The following ARHGEF4 variants were observed in gnomAD, a reference collection of about 807,000 sequenced individuals.
ARHGEF4 encodes the protein Rho guanine nucleotide exchange factor 4.
A neutral mutation model predicts 162.0 loss-of-function variants in ARHGEF4; 119 were observed. That is an observed-to-expected ratio of 0.73 (90% CI 0.63 to 0.86). ARHGEF4 has a LOEUF of 0.86. Ranked by LOEUF, ARHGEF4 falls within the 40% of genes least tolerant of loss-of-function variation. The pLI, the probability that ARHGEF4 is intolerant of heterozygous loss-of-function variation, is 0.00. For missense variants in ARHGEF4, 2,488 were observed against 2,456.0 expected (o/e 1.01, Z -0.28); for synonymous variants, 1,014 against 979.9 (o/e 1.03, Z -0.65).
intron 4 of ARHGEF4, among the ~76,000 whole-genome samples, chr2:131,025,464 G>A (rs902739117): frequency 2.6e-5 from 4 of 152,182 alleles, no homozygotes; most frequent in African/African-American, 4.8e-5. Context: ...AACTGTTCCT[G>A]ATGTTGGCTC....
At chr2:130,964,017 C>G (rs1684819012) in intron 4 of ARHGEF4, 1 of 294,252 alleles carries the variant, frequency 3.4e-6, no homozygotes, top group South Asian at 1.2e-4. Flanking sequence ...CTTCCCCGAG[C>G]CTGTGGCTGG....
intron 4 of ARHGEF4, among the ~76,000 whole-genome samples, chr2:131,027,041 G>C (rs774771253): frequency 6.6e-6 from 1 of 152,204 alleles, no homozygotes; most frequent in Non-Finnish European, 1.5e-5. Context: ...TAGTGGGGCC[G>C]TCATGAAAGC....
chr2:130,849,451 G>A (rs543062631), intron 1 of ARHGEF4, among the ~76,000 whole-genome samples: 3 of 152,200 alleles, frequency 2.0e-5, no homozygotes, highest in South Asian at 2.1e-4. Context: ...TTTGCTCCTG[G>A]GGGCACCCCA....
chr2:130,977,442 ATGTT>A (rs1369972875), intron 4 of ARHGEF4, among the ~76,000 whole-genome samples: 1 of 149,772 alleles, frequency 6.7e-6, no homozygotes, highest in African/African-American at 2.5e-5. Context: ...TATGTGGTGT[ATGTT>A]GCGTGTGTGT....
At chr2:131,030,337 C>T (rs1352343844) in intron 5 of ARHGEF4, among the ~76,000 whole-genome samples, 1 of 152,224 alleles carries the variant, frequency 6.6e-6, no homozygotes, top group East Asian at 1.9e-4. Flanking sequence ...AAAAATAACC[C>T]AAAAAATGAG....
chr2:130,985,329 C>A (rs752281971), intron 4 of ARHGEF4, among the ~76,000 whole-genome samples: 2 of 152,306 alleles, frequency 1.3e-5, no homozygotes, highest in East Asian at 1.9e-4. Context: ...GAACCAAAAT[C>A]TGTTACCAAA....
Position 130,985,213 on chromosome 2 carries a change from G to A in ARHGEF4, c.3985+38578G>A, listed in dbSNP as rs547487142. On this transcript the variant is annotated intron_variant, in intron 4 of 13. Coordinates refer to ENST00000409359, the MANE Select transcript of ARHGEF4 (RefSeq NM_001367493.1). ...GGGCCAGCTAAGGCAAAGCCAAAGA[G>A]AGATGGAAACTCGCTTCCAGCCAAA... Among the ~76,000 whole-genome samples, 88 of 152,270 alleles carry A rather than the reference G, an allele frequency of 5.8e-4. 2 individuals are homozygous for A. The South Asian group carries it at 8.7e-3, about 15-fold the overall frequency.
At chr2:131,004,513 C>T (rs1687987538) in intron 4 of ARHGEF4, among the ~76,000 whole-genome samples, 1 of 152,162 alleles carries the variant, frequency 6.6e-6, no homozygotes, top group South Asian at 2.1e-4. Flanking sequence ...CCCTAATTGT[C>T]TTTTCCTCAA....
chr2:130,965,440 T>C (rs1558779254), intron 4 of ARHGEF4, among the ~76,000 whole-genome samples: 1 of 152,244 alleles, frequency 6.6e-6, no homozygotes, highest in Non-Finnish European at 1.5e-5. Flanking sequence ...GCTGTTGATG[T>C]TTCCTTCAAC....
Position 130,914,007 on chromosome 2 carries a change from C to A in ARHGEF4, c.61C>A (p.Leu21Met), listed in dbSNP as rs1170985411. Residue 21 changes from leucine (L) to methionine (M), a missense_variant, in exon 2 of 14, where the codon CTG (leucine) becomes ATG (methionine). Leu to Met is a conservative substitution (Grantham distance 15). Around this residue, in one of 6 missense-constraint regions of ARHGEF4, gnomAD observed 171 missense variants for 169.4 expected, o/e 1.01. Transcript: ENST00000409359. ...FFKTPEPGAHLPGEGEIEDNQ... is the reference protein window; with the variant it reads ...FFKTPEPGAHMPGEGEIEDNQ... Reference sequence around the variant, plus strand: ...CCAGACTCCAGAGCCAGGTGCACACCTGCCAGGTGAAGGTGAGATTGAAGA... The same window carrying A: ...CCAGACTCCAGAGCCAGGTGCACACATGCCAGGTGAAGGTGAGATTGAAGA... 4 of 1,536,014 alleles carry A rather than the reference C, an allele frequency of 2.6e-6. No homozygotes were observed. Among genetic ancestry groups the A allele is most frequent in the South Asian group, 1.2e-5 (1 of 84,058 alleles).
intron 4 of ARHGEF4, among the ~76,000 whole-genome samples, chr2:130,974,539 C>A (rs575342461): frequency 6.6e-6 from 1 of 151,820 alleles, no homozygotes; most frequent in Admixed American, 6.6e-5. Context: ...TCCACACTTT[C>A]TAGGCTCAAG....
chr2:130,924,744 G>A (rs925480627), intron 2 of ARHGEF4, among the ~76,000 whole-genome samples: 1 of 152,156 alleles, frequency 6.6e-6, no homozygotes, highest in South Asian at 2.1e-4. Flanking sequence ...CCGAGAGAGA[G>A]CAGGACAGAA....
intron 1 of ARHGEF4, among the ~76,000 whole-genome samples, chr2:130,907,736 G>A (rs866335105): frequency 2.8e-4 from 42 of 151,662 alleles, no homozygotes; most frequent in African/African-American, 8.7e-4. Flanking sequence ...GGCAGATCAC[G>A]AAGTCAGGAG....
intron 4 of ARHGEF4, chr2:130,964,106 G>A: frequency 1.2e-6 from 1 of 844,574 alleles, no homozygotes; most frequent in Non-Finnish European, 1.4e-6. Flanking sequence ...CTCGGCACTA[G>A]CAGCAGCAGC....
At chr2:130,966,326 G>C (rs570430390) in intron 4 of ARHGEF4, among the ~76,000 whole-genome samples, 44 of 152,178 alleles carry the variant, frequency 2.9e-4, no homozygotes, top group Non-Finnish European at 5.0e-4. Context: ...CCTAAGACTC[G>C]CCTCTCTTCT....
chr2:130,921,874 T>C (rs1681895123), intron 2 of ARHGEF4, among the ~76,000 whole-genome samples: 1 of 151,850 alleles, frequency 6.6e-6, no homozygotes, highest in African/African-American at 2.4e-5. Context: ...GTATTTTTAA[T>C]AGAGATGGGG....
chr2:130,949,632 G>T (rs1031447851), intron 4 of ARHGEF4, among the ~76,000 whole-genome samples: 2 of 151,166 alleles, frequency 1.3e-5, no homozygotes, highest in African/African-American at 4.9e-5. Context: ...GGGATTACAG[G>T]CATGAGCCAC....
chr2:130,954,637 G>T (rs1391455664), intron 4 of ARHGEF4, among the ~76,000 whole-genome samples: 1 of 152,190 alleles, frequency 6.6e-6, no homozygotes, highest in African/African-American at 2.4e-5. Context: ...TTTCTGCTAA[G>T]AAATCAATTG....
At chr2:130,879,203 G>T (rs2104954188) in intron 1 of ARHGEF4, among the ~76,000 whole-genome samples, 1 of 152,252 alleles carries the variant, frequency 6.6e-6, no homozygotes, top group Non-Finnish European at 1.5e-5. Context: ...TATTCTGTCA[G>T]GCAACTTATT....
Sources: gnomAD v4.1 joint callset for allele counts (sites outside exome capture counted in the v4.1 genomes callset) on GRCh38, gnomAD v4.1.1 for gene constraint, gnomAD v4.1.1 regional missense constraint, MANE v1.5 for transcripts, NCBI Gene and HGNC (gene_info 2026-07-23, HGNC 2026-07-21) for gene names.